The following PFKM variants were observed in gnomAD, a reference collection of about 807,000 sequenced individuals.
PFKM encodes the protein phosphofructokinase, muscle.
A neutral mutation model predicts 95.5 loss-of-function variants in PFKM; 58 were observed. The ratio of observed to expected loss-of-function variants is 0.61; its 90% CI spans 0.49 to 0.76. The LOEUF (loss-of-function observed/expected upper bound fraction) is 0.76, where lower values mean the gene tolerates loss of function less well. PFKM is among the 30% of genes least tolerant of loss of function. PFKM has a pLI of 0.00. For synonymous variants in PFKM, 336 were observed against 357.2 expected, an observed-to-expected ratio of 0.94 and a Z score of 0.67; for missense variants, 678 against 1,005.4, an observed-to-expected ratio of 0.67 and a Z score of 4.40.
At chr12:48,140,114 T>C (rs1458052099) in intron 13 of PFKM, among the ~76,000 whole-genome samples, 5 of 152,184 alleles carry the variant, frequency 3.3e-5, no homozygotes, top group Admixed American at 3.3e-4. Context: ...TAGTGTACCC[T>C]GGATATCTCT....
chr12:48,137,671 AAGATGGGGCAGCCTGAGCC>A (rs1396709567), intron 10 of PFKM, 31 bp from the exon 11 acceptor site: 1 of 1,613,254 alleles, frequency 6.2e-7, no homozygotes, highest in Admixed American at 1.7e-5. Context: ...AGGCTGAGCC[AAGATGGGGCAGCCTGAGCC>A]AGACTGTCTT....
rs1210536197 is a variant in PFKM, at chr12:48,142,938, G to A, written c.1810G>A (p.Asp604Asn). 6.2e-7 allele frequency: 1 copy of A among 1,613,704 alleles called. No individual in the cohort carries two copies. Among genetic ancestry groups the A allele is most frequent in the East Asian group, 2.2e-5 (1 of 44,882 alleles). The part of the protein sequence containing the change: ...YIFEEPFTIR[D>N]LQANVEHLVQ... ...TTTTGAGGAGCCCTTCACCATTCGA[G>A]ACCTGCAGGTAGCTGGCCACCCAGA... The change falls in exon 18 of 23, where the codon GAC (aspartate) becomes AAC (asparagine). Residue 604 changes from aspartate to asparagine, a missense_variant. By Grantham distance (23) the Asp-to-Asn change is conservative. Transcript: ENST00000359794.
intron 7 of PFKM, 54 bp downstream of exon 7, chr12:48,134,330 C>CT: frequency 1.3e-6 from 2 of 1,482,934 alleles, no homozygotes; most frequent in Non-Finnish European, 1.9e-6. Flanking sequence ...TAGCCCTTTC[C>CT]TTTTCCCCAG....
chr12:48,134,298 A>G (rs540373014), intron 7 of PFKM, 22 bp downstream of exon 7: 7 of 1,606,944 alleles, frequency 4.4e-6, no homozygotes, highest in South Asian at 3.3e-5. Context: ...ATTCTGACCC[A>G]TTTATTCCGT....
In PFKM at chr12:48,134,792, A is replaced by G; in HGVS notation, c.710A>G (p.Asp237Gly). The G allele has an allele frequency of 3.1e-6, 5 of 1,614,062 alleles. No homozygotes were observed. The highest frequency in any genetic ancestry group is 4.2e-6 in the Non-Finnish European group (5 of 1,179,982). The change falls in exon 8 of 23, where the codon GAC becomes GGC. Residue 237 changes from aspartate to glycine, a missense_variant. Transcript: ENST00000359794. The part of the protein sequence containing the change: ...WVFIPECPPD[D>G]DWEEHLCRRL... ...TTTATTCCTGAATGTCCACCAGATG[A>G]CGACTGGGAGGAACACCTTTGTCGC...
At chr12:48,136,474 G>C (rs189692986) in intron 10 of PFKM, among the ~76,000 whole-genome samples, 1 of 152,248 alleles carries the variant, frequency 6.6e-6, no homozygotes, top group East Asian at 1.9e-4. Flanking sequence ...AAGCGACTAT[G>C]AACATTTGTG....
chr12:48,109,824 C>T (rs1947028816), intron 3 of PFKM, among the ~76,000 whole-genome samples: 1 of 152,180 alleles, frequency 6.6e-6, no homozygotes, highest in African/African-American at 2.4e-5. Context: ...TGCTTCCTTC[C>T]TCATCCTTTC....
At chr12:48,120,117 C>T (rs1476057874) in intron 1 of PFKM, among the ~76,000 whole-genome samples, 1 of 152,134 alleles carries the variant, frequency 6.6e-6, no homozygotes, top group Admixed American at 6.5e-5. Context: ...TTTTTGCCTT[C>T]CTATTTGCCC....
intron 3 of PFKM, among the ~76,000 whole-genome samples, chr12:48,114,136 A>T (rs2107638): frequency 6.6e-6 from 1 of 152,044 alleles, no homozygotes; most frequent in Non-Finnish European, 1.5e-5. Flanking sequence ...GGTGTGGTTC[A>T]TGAAGCCAGC....
chr12:48,112,802 G>T (rs929098545), intron 3 of PFKM, among the ~76,000 whole-genome samples: 5 of 152,144 alleles, frequency 3.3e-5, no homozygotes, highest in African/African-American at 9.7e-5. Context: ...AGAGTTTATA[G>T]GTTTTAAAAG....
chr12:48,122,892 G>T, intron 2 of PFKM, 33 bp downstream of exon 2: 1 of 1,599,012 alleles, frequency 6.3e-7, no homozygotes, highest in Non-Finnish European at 8.6e-7. Flanking sequence ...CATGGCTGGT[G>T]GGACTTTTGG....
chr12:48,136,611 C>T (rs1950108809), intron 10 of PFKM, among the ~76,000 whole-genome samples: 1 of 150,114 alleles, frequency 6.7e-6, no homozygotes, highest in Non-Finnish European at 1.5e-5. Flanking sequence ...CCAACTGTTT[C>T]CAGAATAGCT....
Position 48,135,358 on chromosome 12 carries a change from C to T in PFKM, c.911C>T (p.Thr304Met), listed in dbSNP as rs758882753. 13 of 1,613,720 alleles carry T rather than the reference C, an allele frequency of 8.1e-6. No homozygotes were observed. The highest frequency in any genetic ancestry group is 2.2e-5 in the East Asian group (1 of 44,884). ...TTGGGGCATGTGCAGAGGGGTGGGA[C>T]GCCATCAGCCTTTGACAGAATTCTG... ...TVLGHVQRGGTPSAFDRILGS... is the reference protein window; with the variant it reads ...TVLGHVQRGGMPSAFDRILGS... The change falls in exon 10 of 23, where the codon ACG becomes ATG. Residue 304 changes from threonine (T) to methionine (M), a missense_variant. Coordinates refer to ENST00000359794, the MANE Select transcript of PFKM (RefSeq NM_000289.6).
chr12:48,122,943 T>C, intron 2 of PFKM, 84 bp downstream of exon 2: 2 of 1,347,978 alleles, frequency 1.5e-6, no homozygotes, highest in South Asian at 1.2e-5. Flanking sequence ...GAATTATTCT[T>C]CTGTAGGTTC....
intron 17 of PFKM, 199 bp downstream of exon 17, chr12:48,142,265 G>C: frequency 3.2e-6 from 2 of 632,156 alleles, no homozygotes; most frequent in Non-Finnish European, 2.8e-6. Flanking sequence ...TTGGGGTCAG[G>C]AGTTCAAGAG....
chr12:48,145,414 A>G lies in PFKM; in HGVS notation c.2198+99A>G. 1.6e-6 allele frequency: 2 copies of G among 1,264,666 alleles called. No individual in the cohort carries two copies. The highest frequency in any genetic ancestry group is 3.8e-5 in the Admixed American group (2 of 52,778). The allele number at this position is 1,264,666 out of a possible 1,614,324, so 78.3% of individuals were successfully genotyped here. ...TGTCTTTAATTCTTTTTTTTTTTTA[A>G]GGAGTAACACCTGTATTCTTACCCA... On this transcript the variant is annotated intron_variant, in intron 22 of 22. Coordinates refer to ENST00000359794, the MANE Select transcript of PFKM (RefSeq NM_000289.6). This position sits in a 1 kb window ranked among gnomAD's most constrained non-coding sequence, Gnocchi z 4.3.
chr12:48,144,720 G>C (rs1015614913), intron 20 of PFKM, among the ~76,000 whole-genome samples: 5 of 150,948 alleles, frequency 3.3e-5, no homozygotes, highest in Admixed American at 3.3e-4. Flanking sequence ...GGCTGAAGAG[G>C]GGCAGGCAGC....
chr12:48,113,665 T>G (rs1169534496), intron 3 of PFKM, among the ~76,000 whole-genome samples: 1 of 152,234 alleles, frequency 6.6e-6, no homozygotes, highest in Non-Finnish European at 1.5e-5. Context: ...GAAGTTCTTG[T>G]GTGCTGGAGA....
At chr12:48,132,840 G>T in intron 4 of PFKM, 28 bp from the exon 5 acceptor site, 1 of 1,585,376 alleles carries the variant, frequency 6.3e-7, no homozygotes, top group South Asian at 1.1e-5. Flanking sequence ...CCCTGTCTCT[G>T]GGGAGCTGAC....
Sources: gnomAD v4.1 joint callset for allele counts (sites outside exome capture counted in the v4.1 genomes callset) on GRCh38, gnomAD v4.1.1 for gene constraint, Gnocchi (gnomAD v3.1) non-coding constraint, MANE v1.5 for transcripts, NCBI Gene and HGNC (gene_info 2026-07-23, HGNC 2026-07-21) for gene names.